The following TNFAIP3 variants were observed in gnomAD, a reference collection of about 807,000 sequenced individuals.
The protein encoded by TNFAIP3 is TNF alpha induced protein 3.
Under a neutral mutation model 72.4 loss-of-function variants are expected in TNFAIP3, and 9 were observed. That is an observed-to-expected ratio of 0.12 (90% CI 0.07 to 0.22). TNFAIP3 has a LOEUF of 0.22. TNFAIP3 is among the 10% of genes least tolerant of loss of function. The probability of loss-of-function intolerance (pLI) is 1.00; values close to 1 mark genes in which losing one functional copy is unlikely to be tolerated. For missense variants in TNFAIP3, 833 were observed against 1,018.7 expected (o/e 0.82, Z 2.48); for synonymous variants, 339 against 372.6 (o/e 0.91, Z 1.04).
intron 1 of TNFAIP3, among the ~76,000 whole-genome samples, chr6:137,868,826 C>G (rs947070031): frequency 2.6e-5 from 4 of 152,066 alleles, no homozygotes; most frequent in South Asian, 2.1e-4. Flanking sequence ...GTTTTGATTT[C>G]TAAGGAGGCA....
Position 137,879,207 on chromosome 6 carries a change from G to A in TNFAIP3, c.1762G>A (p.Ala588Thr), listed in dbSNP as rs1776360918. The change falls in exon 7 of 9, where the codon GCT becomes ACT. Residue 588 changes from alanine to threonine, a missense_variant. Around this residue, in one of 2 missense-constraint regions of TNFAIP3, gnomAD observed 587 missense variants for 657.8 expected, o/e 0.89. Coordinates refer to ENST00000612899, the MANE Select transcript of TNFAIP3 (RefSeq NM_001270508.2). ...CCACAGAGCTGGAAACGACGCCCCTGCTGGCTGCCTGTCTCAAGCTGCACG... is the reference window on the plus strand; with the variant it reads ...CCACAGAGCTGGAAACGACGCCCCTACTGGCTGCCTGTCTCAAGCTGCACG... The part of the protein sequence containing the change: ...SCHRAGNDAP[A>T]GCLSQAARTP... 3.1e-6 allele frequency: 5 copies of A among 1,614,166 alleles called. No individual in the cohort carries two copies. The highest frequency in any genetic ancestry group is 1.3e-5 in the African/African-American group (1 of 75,046).
rs1445761018 is a variant in TNFAIP3, at chr6:137,882,679, C to T, written c.*1360C>T. ...CAATGGTCACAGGGAAAGATGTGGC[C>T]TTTTGTGATGGTTTTATTTTCTGTT... On this transcript the variant is annotated 3_prime_UTR_variant, in exon 9 of 9. Coordinates refer to ENST00000612899, the MANE Select transcript of TNFAIP3 (RefSeq NM_001270508.2). 3 of 232,704 alleles carry T rather than the reference C, an allele frequency of 1.3e-5. No individual in the cohort carries two copies. The highest frequency in any genetic ancestry group is 6.6e-5 in the African/African-American group (3 of 45,262). 14.4% of individuals were successfully genotyped at this position (232,704 alleles called of 1,614,324 possible). A position where few individuals can be genotyped will look rare whatever the true frequency, so the allele number is the denominator to read the frequency against.
Position 137,871,301 on chromosome 6 carries a change from C to T in TNFAIP3, c.74C>T (p.Thr25Ile), listed in dbSNP as rs757112036. The change falls in exon 2 of 9, where the codon ACT (threonine) becomes ATT (isoleucine). Residue 25 changes from threonine to isoleucine, a missense_variant. Transcript: ENST00000612899. This position sits in a 1 kb window ranked among gnomAD's most constrained non-coding sequence, Gnocchi z 4.2. ...AAAGCTGTGAAGATACGGGAGAGAA[C>T]TCCAGAAGACATTTTTAAACCTACT... ...MRKAVKIRERTPEDIFKPTNG... is the reference protein window; with the variant it reads ...MRKAVKIRERIPEDIFKPTNG... 6 of 1,613,898 alleles carry T rather than the reference C, an allele frequency of 3.7e-6. No individual in the cohort carries two copies. In the East Asian group the frequency reaches 1.3e-4, roughly 36 times the overall value.
At chr6:137,869,107 G>A (rs1053407311) in intron 1 of TNFAIP3, among the ~76,000 whole-genome samples, 6 of 152,180 alleles carry the variant, frequency 3.9e-5, no homozygotes, top group Non-Finnish European at 7.3e-5. Flanking sequence ...GATTGCAAGG[G>A]GCAGGTATTG....
chr6:137,880,032 AC>A, intron 7 of TNFAIP3, 38 bp from the exon 8 acceptor site: 1 of 1,592,248 alleles, frequency 6.3e-7, no homozygotes, highest in Non-Finnish European at 8.6e-7. Context: ...CGGTGGGGTG[AC>A]CCCTATGTGG....
chr6:137,872,635 G>C (rs538765701), intron 2 of TNFAIP3, among the ~76,000 whole-genome samples: 2 of 152,128 alleles, frequency 1.3e-5, no homozygotes, highest in Non-Finnish European at 2.9e-5. Flanking sequence ...TTACCCCAAC[G>C]TCTTGCCTAG....
Position 137,881,565 on chromosome 6 carries a change from G to A in TNFAIP3, c.*246G>A. ...GGGATGATGTCAGATTCAGCCCAAG[G>A]TTCCTCCTCTCCTACCAAGCAGGAG... On this transcript the variant is annotated 3_prime_UTR_variant, in exon 9 of 9. Transcript: ENST00000612899. This position sits in a 1 kb window ranked among gnomAD's most constrained non-coding sequence, Gnocchi z 5.0. 2.4e-6 allele frequency: 1 copy of A among 421,610 alleles called. No homozygotes were observed. Among genetic ancestry groups the A allele is most frequent in the South Asian group, 7.3e-5 (1 of 13,726 alleles). 26.1% of individuals were successfully genotyped at this position (421,610 alleles called of 1,614,324 possible).
At position 137,879,101 on chromosome 6, in the gene TNFAIP3, C is replaced by A. The variant is rs1169217800; in HGVS notation, c.1656C>A (p.Ser552Arg). 3.1e-6 allele frequency: 5 copies of A among 1,614,204 alleles called. No homozygotes were observed. The highest frequency in any genetic ancestry group is 4.2e-6 in the Non-Finnish European group (5 of 1,180,038). The change falls in exon 7 of 9, where the codon AGC becomes AGA. Residue 552 changes from serine to arginine, a missense_variant. Ser to Arg is a moderately radical substitution (Grantham distance 110). Around this residue, in one of 2 missense-constraint regions of TNFAIP3, gnomAD observed 587 missense variants for 657.8 expected, o/e 0.89. Coordinates refer to ENST00000612899, the MANE Select transcript of TNFAIP3 (RefSeq NM_001270508.2). ...RTTAEASSSL[S>R]TSLPPSCHQR... The stretch of plus-strand genomic sequence containing the variant: ...CAGCAGAGGCCTCCTCCAGCCTCAG[C>A]ACCAGCCTCCCTCCTTCCTGTCACC...
At chr6:137,874,338 T>C (rs1474655166) in intron 2 of TNFAIP3, among the ~76,000 whole-genome samples, 2 of 152,188 alleles carry the variant, frequency 1.3e-5, no homozygotes, top group Non-Finnish European at 2.9e-5. Context: ...TCATTTGCCA[T>C]TGAGTCATAG....
chr6:137,875,638 C>T (rs200007148), intron 3 of TNFAIP3, 50 bp from the exon 4 acceptor site: 36 of 1,591,278 alleles, frequency 2.3e-5, no homozygotes, highest in Middle Eastern at 1.7e-4. Context: ...CTTTTTAGTA[C>T]AGGGAGTACA....
In TNFAIP3 at chr6:137,881,134, G is replaced by A. The variant is rs774778736; in HGVS notation, c.2188G>A (p.Glu730Lys). 1.9e-6 allele frequency: 3 copies of A among 1,613,984 alleles called. No individual in the cohort carries two copies. Among genetic ancestry groups the A allele is most frequent in the East Asian group, 2.2e-5 (1 of 44,848 alleles). ...CAAGAACATCCTGGCCTGCCGCAGCGAGGAGCTCTGCATGGAGTGTCAGCA... is the reference window on the plus strand; with the variant it reads ...CAAGAACATCCTGGCCTGCCGCAGCAAGGAGCTCTGCATGGAGTGTCAGCA... ...SCKNILACRS[E>K]ELCMECQHPN... The change falls in exon 9 of 9, where the codon GAG becomes AAG. Residue 730 changes from glutamate (E) to lysine (K), a missense_variant. Physicochemically the swap from Glu to Lys is moderately conservative, Grantham distance 56. Coordinates refer to ENST00000612899, the MANE Select transcript of TNFAIP3 (RefSeq NM_001270508.2). The surrounding 1 kb of genome is among the most constrained non-coding windows in gnomAD (Gnocchi z 5.0).
chr6:137,872,751 A>G, intron 2 of TNFAIP3, among the ~76,000 whole-genome samples: 1 of 152,190 alleles, frequency 6.6e-6, no homozygotes, highest in Middle Eastern at 3.2e-3. Flanking sequence ...AGAGGTAGGT[A>G]ATTATGTGAA....
In TNFAIP3 at chr6:137,874,949, G is replaced by A. The variant is rs2114478346; in HGVS notation, c.400G>A (p.Asp134Asn). 2 of 1,614,240 alleles carry A rather than the reference G, an allele frequency of 1.2e-6. No individual in the cohort carries two copies. Among genetic ancestry groups the A allele is most frequent in the Non-Finnish European group, 1.7e-6 (2 of 1,180,046 alleles). Residue 134 changes from aspartate to asparagine, a missense_variant, in exon 3 of 9, where the codon GAC becomes AAC. Physicochemically the swap from Asp to Asn is conservative, Grantham distance 23 (BLOSUM62 1). This residue lies in a region of TNFAIP3 where 246 missense variants were observed against 360.9 expected (regional missense o/e 0.68). Coordinates refer to ENST00000612899, the MANE Select transcript of TNFAIP3 (RefSeq NM_001270508.2). ...GCTGTTCAGCACGCTCAAGGAAACA[G>A]ACACACGCAACTTTAAATTCCGCTG... ...KALFSTLKET[D>N]TRNFKFRWQL...
chr6:137,866,717 G>C (rs1031577226), upstream of TNFAIP3: 4 of 152,454 alleles, frequency 2.6e-5, no homozygotes, highest in Non-Finnish European at 5.9e-5. Context: ...TGCCCGCCCG[G>C]GTCCTGTCTG....
At chr6:137,866,716 G>T (rs181561081), upstream of TNFAIP3, 4 of 152,616 alleles carry the variant, frequency 2.6e-5, no homozygotes. Context: ...ATGCCCGCCC[G>T]GGTCCTGTCT....
chr6:137,876,387 T>C, intron 5 of TNFAIP3: 2 of 487,054 alleles, frequency 4.1e-6, no homozygotes, highest in South Asian at 5.5e-5. Context: ...ACATGATAAA[T>C]TAAGGCGCAC....
rs143075255 is a variant in TNFAIP3, at chr6:137,876,546, A to C, written c.805+380A>C. On this transcript the variant is annotated intron_variant, in intron 5 of 8. Transcript: ENST00000612899. ...TTGCAGCCTCCACCCCCTGGGCTCAAGCAGTCTCTCGCTTTGGCCTCTCAA... is the reference window on the plus strand; with the variant it reads ...TTGCAGCCTCCACCCCCTGGGCTCACGCAGTCTCTCGCTTTGGCCTCTCAA... Among the ~76,000 whole-genome samples, 807 of 152,318 alleles carry C rather than the reference A, an allele frequency of 5.3e-3. 4 individuals carry two copies. Among genetic ancestry groups the C allele is most frequent in the African/African-American group, 0.019 (785 of 41,558 alleles).
chr6:137,875,716 T>C lies in TNFAIP3; in HGVS notation c.515T>C (p.Ile172Thr), dbSNP rs779928915. 2 of 1,614,154 alleles carry C rather than the reference T, an allele frequency of 1.2e-6. No individual in the cohort carries two copies. Among genetic ancestry groups the C allele is most frequent in the South Asian group, 2.2e-5 (2 of 91,090 alleles). Residue 172 changes from isoleucine to threonine, a missense_variant, in exon 4 of 9, where the codon ATC (isoleucine) becomes ACC (threonine). Coordinates refer to ENST00000612899, the MANE Select transcript of TNFAIP3 (RefSeq NM_001270508.2). ...TGGAATGATGAATGGGACAATCTTA[T>C]CAAAATGGCTTCCACAGACACACCC... is the stretch of plus-strand genomic sequence containing the variant. The part of the protein sequence containing the change: ...RNWNDEWDNL[I>T]KMASTDTPMA...
chr6:137,877,343 A>C, intron 6 of TNFAIP3, 87 bp downstream of exon 6: 1 of 1,228,902 alleles, frequency 8.1e-7, no homozygotes. Flanking sequence ...CCTGAAGCTC[A>C]ACAGTAGAGT....
Sources: gnomAD v4.1 joint callset for allele counts (sites outside exome capture counted in the v4.1 genomes callset) on GRCh38, gnomAD v4.1.1 for gene constraint, gnomAD v4.1.1 regional missense constraint, Gnocchi (gnomAD v3.1) non-coding constraint, MANE v1.5 for transcripts, NCBI Gene and HGNC (gene_info 2026-07-23, HGNC 2026-07-21) for gene names.